Variants in ASB14 observed in about 807,000 individuals in gnomAD.
ASB14 encodes ankyrin repeat and SOCS box containing 14, also known as ankyrin repeat and SOCS box protein 14.
A neutral mutation model predicts 55.6 loss-of-function variants in ASB14; 63 were observed. The ratio of observed to expected loss-of-function variants is 1.13; its 90% CI spans 0.92 to 1.40. The LOEUF (loss-of-function observed/expected upper bound fraction) is 1.40. Among genes scored for constraint, ASB14 ranks in the 40% most tolerant of loss-of-function variants. The pLI is 0.00. For synonymous variants in ASB14, 256 were observed against 259.9 expected (o/e 0.98, Z 0.15); for missense variants, 724 against 710.4 (o/e 1.02, Z -0.22).
chr3:57,276,588 C>A lies in ASB14; in HGVS notation c.1726G>T (p.Asp576Tyr), dbSNP rs563559307. 1 of 1,613,002 alleles carries A rather than the reference C, an allele frequency of 6.2e-7. No homozygotes were observed. Among genetic ancestry groups the A allele is most frequent in the Non-Finnish European group, 8.5e-7 (1 of 1,179,478 alleles). Residue 576 changes from aspartate to tyrosine, a missense_variant, in exon 10 of 11, where the codon GAC becomes TAC. By Grantham distance (160) the Asp-to-Tyr change is radical. Transcript: ENST00000487349. ...LKAYVLYKEY[D>Y]LYGQGIFTGT... is the part of the protein sequence containing the mutation. ...GTAAAAATTCCTTGTCCATAAAGGT[C>A]GTATTCTTTGTAAAGGACATATGCT...
At chr3:57,283,128 A>C (rs1430931519) in intron 6 of ASB14, 66 bp downstream of exon 6, 2 of 1,519,968 alleles carry the variant, frequency 1.3e-6, no homozygotes, top group Non-Finnish European at 1.8e-6. Flanking sequence ...GAAGCTCTCC[A>C]TTAAGAGGAG....
chr3:57,269,963 A>T lies in ASB14; in HGVS notation c.*23-345T>A, dbSNP rs1559516982. 1.7e-5 allele frequency: 4 copies of T among 234,296 alleles called. No homozygotes were observed. In the East Asian group the frequency reaches 2.6e-4, roughly 15 times the overall value. 14.5% of individuals were successfully genotyped at this position (234,296 alleles called of 1,614,324 possible). On this transcript the variant is annotated intron_variant, in intron 10 of 10. Coordinates refer to ENST00000487349, the MANE Select transcript of ASB14 (RefSeq NM_001142733.3). ...GCTGAGGAATTACATTTGCTCAAGA[A>T]TTTTTTCCGTCAAATTGTGAACTTT...
At chr3:57,270,584 G>A (rs1252890659) in intron 10 of ASB14, 2 of 152,584 alleles carry the variant, frequency 1.3e-5, no homozygotes, top group Non-Finnish European at 2.9e-5. Flanking sequence ...TTCAAAAGAA[G>A]TTCTATAACA....
chr3:57,289,601 G>A lies in ASB14; in HGVS notation c.123-478C>T, dbSNP rs116745595. 3.3e-3 allele frequency among the ~76,000 whole-genome samples: 503 copies of A among 150,888 alleles called. 1 individual carries two copies. The highest frequency in any genetic ancestry group is 0.012 in the African/African-American group (482 of 41,258). ...GCTCAGAAATACTATTAGCAGTTAA[G>A]TAATGTTTTTATTATTTAAGGCTTT... is the stretch of plus-strand genomic sequence containing the variant. On this transcript the variant is annotated intron_variant, in intron 2 of 10. Coordinates refer to ENST00000487349, the MANE Select transcript of ASB14 (RefSeq NM_001142733.3).
At chr3:57,290,782 A>C (rs190357836) in intron 2 of ASB14, among the ~76,000 whole-genome samples, 3 of 152,358 alleles carry the variant, frequency 2.0e-5, no homozygotes, top group Admixed American at 1.3e-4. Flanking sequence ...TCAGTTACTC[A>C]ATTATGCAAT....
Position 57,269,304 on chromosome 3 carries a change from A to T in ASB14, c.*337T>A, listed in dbSNP as rs1415296188. On this transcript the variant is annotated 3_prime_UTR_variant, in exon 11 of 11. Transcript: ENST00000487349. Reference sequence around the variant, plus strand: ...TGGGCTTTATTTGGTTGTTGGTCATAAAAAAAGAAAGATAAAATATTAGAT... The same window carrying T: ...TGGGCTTTATTTGGTTGTTGGTCATTAAAAAAGAAAGATAAAATATTAGAT... 4 of 413,198 alleles carry T rather than the reference A, an allele frequency of 9.7e-6. No homozygotes were observed. The highest frequency in any genetic ancestry group is 8.1e-5 in the African/African-American group (4 of 49,216). 25.6% of individuals were successfully genotyped at this position (413,198 alleles called of 1,614,324 possible).
intron 7 of ASB14, among the ~76,000 whole-genome samples, chr3:57,280,065 T>A (rs1182196758): frequency 2.7e-5 from 4 of 150,804 alleles, no homozygotes. Flanking sequence ...CCTAGCCCAC[T>A]CTTTCACTGG....
Position 57,277,898 on chromosome 3 carries a change from G to A in ASB14, c.1454C>T (p.Ser485Leu), listed in dbSNP as rs754454796. Residue 485 changes from serine to leucine, a missense_variant, in exon 9 of 11, where the codon TCA (serine) becomes TTA (leucine). Ser to Leu is a moderately radical substitution (Grantham distance 145, BLOSUM62 -2). Coordinates refer to ENST00000487349, the MANE Select transcript of ASB14 (RefSeq NM_001142733.3). ...CTTTCCAGAGAGATGTTGCAGCCATGACAAAGTTATTACTTCACAGAACTG... is the reference window on the plus strand; with the variant it reads ...CTTTCCAGAGAGATGTTGCAGCCATAACAAAGTTATTACTTCACAGAACTG... Reference protein sequence around the residue: ...DTKFCEVITLSWLQHLSGKVV... With the variant: ...DTKFCEVITLLWLQHLSGKVV... 2 of 1,612,286 alleles carry A rather than the reference G, an allele frequency of 1.2e-6. No individual in the cohort carries two copies. The highest frequency in any genetic ancestry group is 1.7e-6 in the Non-Finnish European group (2 of 1,179,458).
Position 57,276,695 on chromosome 3 carries a change from A to C in ASB14, c.1619T>G (p.Leu540Arg). 1 of 1,613,978 alleles carries C rather than the reference A, an allele frequency of 6.2e-7. No homozygotes were observed. The highest frequency in any genetic ancestry group is 8.5e-7 in the Non-Finnish European group (1 of 1,179,942). Residue 540 changes from leucine to arginine, a missense_variant, in exon 10 of 11, where the codon CTA (leucine) becomes CGA (arginine). By Grantham distance (102) the Leu-to-Arg change is moderately radical. Transcript: ENST00000487349. ...NPRSLKHLCR[L>R]KIRKCMGRLH... ...CCGTCCCATGCATTTCCGGATCTTT[A>C]GGCGGCACAAATGTTTTAGGGAGCG...
intron 10 of ASB14, chr3:57,270,009 G>T: frequency 5.3e-6 from 1 of 188,664 alleles, no homozygotes. Flanking sequence ...ATTGTAATTG[G>T]CTGTGTCCAT....
intron 7 of ASB14, among the ~76,000 whole-genome samples, chr3:57,280,013 G>C (rs774866781): frequency 2.6e-4 from 40 of 151,804 alleles, no homozygotes; most frequent in Non-Finnish European, 4.0e-4. Context: ...CAGCTTGTCA[G>C]GGCCATGGCT....
At position 57,278,898 on chromosome 3, in the gene ASB14, C is replaced by A; in HGVS notation, c.910G>T (p.Val304Phe). The A allele has an allele frequency of 6.2e-7, 1 of 1,613,470 alleles. No homozygotes were observed. Among genetic ancestry groups the A allele is most frequent in the South Asian group, 1.1e-5 (1 of 91,048 alleles). The change falls in exon 8 of 11, where the codon GTT (valine) becomes TTT (phenylalanine). Residue 304 changes from valine (V) to phenylalanine (F), a missense_variant. Val to Phe is a conservative substitution (Grantham distance 50). Coordinates refer to ENST00000487349, the MANE Select transcript of ASB14 (RefSeq NM_001142733.3). ...HLLALKILIP[V>F]TDLAAIKQSG... is the part of the protein sequence containing the mutation. ...TGCTTAATGGCAGCAAGATCCGTAA[C>A]TGGAATCAGTATCTTTAGAGCTCTG...
At position 57,278,719 on chromosome 3, in the gene ASB14, A is replaced by G. The variant is rs199664112; in HGVS notation, c.1089T>C (p.Ala363=). ...DDHRKSALYF[A]VSNSDLSSVK... is the part of the protein sequence containing the mutation. ...CTGAAGAGAGGTCACTGTTTGATAC[A>G]GCAAAATACAAAGCTGACTTCCTGT... The change falls in exon 8 of 11, where the codon GCT becomes GCC. Residue 363 remains alanine (A), a synonymous_variant. Coordinates refer to ENST00000487349, the MANE Select transcript of ASB14 (RefSeq NM_001142733.3). 99 of 1,613,920 alleles carry G rather than the reference A, an allele frequency of 6.1e-5. No homozygotes were observed. Among genetic ancestry groups the G allele is most frequent in the Non-Finnish European group, 7.5e-5 (89 of 1,179,986 alleles).
chr3:57,283,178 A>G lies in ASB14; in HGVS notation c.715+16T>C, dbSNP rs199941463. The G allele has an allele frequency of 1.2e-5, 18 of 1,552,044 alleles. No homozygotes were observed. Among genetic ancestry groups the G allele is most frequent in the Non-Finnish European group, 1.5e-5 (17 of 1,146,956 alleles). ...GTTACCCTTTGTTAGTGTGCTGACCAAACAGAAGATCTTGCCTTTCCGCAG... is the reference window on the plus strand; with the variant it reads ...GTTACCCTTTGTTAGTGTGCTGACCGAACAGAAGATCTTGCCTTTCCGCAG... On this transcript the variant is annotated intron_variant, in intron 6 of 10. Coordinates refer to ENST00000487349, the MANE Select transcript of ASB14 (RefSeq NM_001142733.3).
intron 10 of ASB14, chr3:57,273,455 AGT>A (rs940020229): frequency 6.6e-6 from 1 of 152,616 alleles, no homozygotes; most frequent in Non-Finnish European, 1.5e-5. Context: ...ATTTTTGTAC[AGT>A]GTTTTTTAAT....
At chr3:57,291,759 CTAGT>C (rs1209850505) in intron 2 of ASB14, among the ~76,000 whole-genome samples, 149 bp downstream of exon 2, 3 of 152,100 alleles carry the variant, frequency 2.0e-5, no homozygotes, top group African/African-American at 7.2e-5. Flanking sequence ...TTATTCCTGT[CTAGT>C]TAGGCATAAT....
rs2061131313 is a variant in ASB14 at position 57,291,650 on chromosome 3, CT to C, written c.122+261del. 8.9e-5 allele frequency among the ~76,000 whole-genome samples: 10 copies of C among 112,598 alleles called. No homozygotes were observed. In the Admixed American group the frequency reaches 1.0e-3, roughly 11 times the overall value. 73.9% of individuals were successfully genotyped at this position (112,598 alleles called of 152,430 possible). A position where few individuals can be genotyped will look rare whatever the true frequency, so the allele number is the denominator to read the frequency against. ...TCTCTAGCCCTTCATATCCTCCTTT[CT>C]TTCTTCTGATTTCCAGTCTGTATCA... On this transcript the variant is annotated intron_variant, in intron 2 of 10. Coordinates refer to ENST00000487349, the MANE Select transcript of ASB14 (RefSeq NM_001142733.3).
chr3:57,275,429 G>A (rs1260900748), intron 10 of ASB14, among the ~76,000 whole-genome samples: 1 of 149,104 alleles, frequency 6.7e-6, no homozygotes, highest in African/African-American at 2.5e-5. Flanking sequence ...TCCAGTCTGG[G>A]TGACAGGACA....
rs2107621820 is a variant in ASB14 at position 57,278,768 on chromosome 3, C to T, written c.1040G>A (p.Arg347Lys). Reference protein sequence around the residue: ...GFDVNFMLDQRINKHYDDHRK... With the variant: ...GFDVNFMLDQKINKHYDDHRK... ...GTGGTCATCGTAGTGTTTGTTAATT[C>T]TCTGATCCAGCATGAAGTTCACATC... is the stretch of plus-strand genomic sequence containing the variant. Residue 347 changes from arginine (R) to lysine (K), a missense_variant, in exon 8 of 11, where the codon AGA (arginine) becomes AAA (lysine). Transcript: ENST00000487349. 6.2e-7 allele frequency: 1 copy of T among 1,613,378 alleles called. No individual in the cohort carries two copies. The highest frequency in any genetic ancestry group is 8.5e-7 in the Non-Finnish European group (1 of 1,179,662).
Sources: allele counts gnomAD v4.1 joint callset (sites outside exome capture counted in the v4.1 genomes callset), GRCh38; gene constraint gnomAD v4.1.1; transcripts MANE v1.5; gene names NCBI Gene and HGNC (gene_info 2026-07-23, HGNC 2026-07-21).